Variants in L1CAM observed in about 807,000 individuals in gnomAD.
The protein encoded by L1CAM is L1 cell adhesion molecule.
A neutral mutation model predicts 93.0 loss-of-function variants in L1CAM; 8 were observed. The observed-to-expected ratio is 0.09, with a 90% CI of 0.05 to 0.16. L1CAM has a LOEUF of 0.16. L1CAM is among the 10% of genes least tolerant of loss of function. The probability of loss-of-function intolerance (pLI) is 1.00; values close to 1 mark genes in which losing one functional copy is unlikely to be tolerated. For missense variants in L1CAM, 777 were observed against 1,073.4 expected (o/e 0.72, Z 3.86); for synonymous variants, 453 against 453.0 (o/e 1.00, Z 0.00).
At chrX:153,873,045 T>G (rs1217020284) in intron 3 of L1CAM, 183 bp downstream of exon 3, 2 of 499,452 alleles carry the variant, frequency 4.0e-6, no homozygotes, top group East Asian at 3.5e-5. Context: ...GGTGACAGAG[T>G]ACCCAGGCTG....
chrX:153,871,007 AC>A (rs782546423), intron 6 of L1CAM, 47 bp from the exon 7 acceptor site: 1 of 1,207,759 alleles, frequency 8.3e-7, no homozygotes. Context: ...CCAGGAAGAC[AC>A]CCCCGCTAAC....
At chrX:153,869,965 C>A (rs201652121) in intron 9 of L1CAM, 31 bp from the exon 10 acceptor site, 6 of 1,209,580 alleles carry the variant, frequency 5.0e-6, no homozygotes. Flanking sequence ...GCCCTGAGCC[C>A]GCAGCCAGCA....
At position 153,865,714 on chromosome X, in the gene L1CAM, C is replaced by T. The variant is rs149737236; in HGVS notation, c.2537G>A (p.Arg846His). ...GCCTTCAACCCTTACATTGTATCCG[C>T]GGAGGTGGCCCTTGACCTGGGCCAG... is the stretch of plus-strand genomic sequence containing the variant. ...VDLAQVKGHL[R>H]GYNVTYWREG... The change falls in exon 20 of 29, where the codon CGC (arginine) becomes CAC (histidine). Residue 846 changes from arginine (R) to histidine (H), a missense_variant. By Grantham distance (29) the Arg-to-His change is conservative. Coordinates refer to ENST00000370060, the MANE Select transcript of L1CAM (RefSeq NM_001278116.2). The T allele has an allele frequency of 1.8e-5, 22 of 1,199,872 alleles. No individual in the cohort carries two copies. Among genetic ancestry groups the T allele is most frequent in the African/African-American group, 1.2e-4 (7 of 57,158 alleles).
intron 4 of L1CAM, 62 bp downstream of exon 4, chrX:153,872,530 G>A: frequency 2.0e-6 from 2 of 1,014,181 alleles, no homozygotes; most frequent in South Asian, 3.8e-5. Context: ...AGGCAGTCCA[G>A]GGAGGCACAA....
At chrX:153,880,593 C>T (rs1171203355) in intron 1 of L1CAM, 6 of 336,523 alleles carry the variant, frequency 1.8e-5, no homozygotes, top group South Asian at 1.6e-4. Flanking sequence ...GGTGTGTATA[C>T]GATGGTGTGG....
Position 153,867,338 on chromosome X carries a change from G to C in L1CAM, c.2137+18C>G. ...GCCCCTTCCAGGTGGCATGGGAGTG[G>C]GTGCCACCCTGACTCACCTGCCTCA... On this transcript the variant is annotated intron_variant, in intron 17 of 28. Transcript: ENST00000370060. The C allele has an allele frequency of 8.4e-7, 1 of 1,193,696 alleles. No homozygotes were observed. Among genetic ancestry groups the C allele is most frequent in the Non-Finnish European group, 1.1e-6 (1 of 880,581 alleles).
intron 3 of L1CAM, 60 bp from the exon 4 acceptor site, chrX:153,872,757 A>G (rs1557093640): frequency 2.1e-6 from 2 of 955,166 alleles, no homozygotes; most frequent in African/African-American, 1.9e-5. Context: ...TCATAGCCTC[A>G]GCACCTGTCC....
At chrX:153,884,081 T>A (rs782674618) in intron 1 of L1CAM, 2 of 564,756 alleles carry the variant, frequency 3.5e-6, no homozygotes, top group Non-Finnish European at 5.4e-6. Flanking sequence ...TCCTCACTCT[T>A]TGCCTCCCTT....
rs782260124 is a variant in L1CAM, at chrX:153,864,647, G to A, written c.3104C>T (p.Ser1035Phe). 1 of 1,209,665 alleles carries A rather than the reference G, an allele frequency of 8.3e-7. No individual in the cohort carries two copies. Among genetic ancestry groups the A allele is most frequent in the African/African-American group, 1.7e-5 (1 of 57,213 alleles). The change falls in exon 24 of 29, where the codon TCC (serine) becomes TTC (phenylalanine). Residue 1035 changes from serine to phenylalanine, a missense_variant. This residue lies in a region of L1CAM where 18 missense variants were observed against 53.0 expected (regional missense o/e 0.34). Transcript: ENST00000370060. ...GCACTGGCCCTCCTTGGGGACCCAG[G>A]AGACGACACTGTAGTTTTCACCCGC... Reference protein sequence around the residue: ...ATAGENYSVVSWVPKEGQCNF... With the variant: ...ATAGENYSVVFWVPKEGQCNF...
chrX:153,884,804 G>T (rs1040542971), intron 1 of L1CAM, among the ~76,000 whole-genome samples: 2 of 112,893 alleles, frequency 1.8e-5, no homozygotes, highest in Non-Finnish European at 1.9e-5. Flanking sequence ...CCCTGGGGAG[G>T]CCCCCGCCCC....
rs1248415360 is a variant in L1CAM at position 153,868,585 on chromosome X, T to C, written c.1522A>G (p.Ile508Val). Residue 508 changes from isoleucine (I) to valine (V), a missense_variant, in exon 13 of 29, where the codon ATC becomes GTC. Around this residue, in one of 5 missense-constraint regions of L1CAM, gnomAD observed 574 missense variants for 781.0 expected, o/e 0.73. Transcript: ENST00000370060. Reference sequence around the variant, plus strand: ...CCTTTAACCTTCAGGTTAGCCATGATGGTAACATTGTTTTGGTCATTGGCA... The same window carrying C: ...CCTTTAACCTTCAGGTTAGCCATGACGGTAACATTGTTTTGGTCATTGGCA... ...LAANDQNNVT[I>V]MANLKVKDAT... 2 of 1,212,099 alleles carry C rather than the reference T, an allele frequency of 1.7e-6. No individual in the cohort carries two copies. The highest frequency in any genetic ancestry group is 1.7e-5 in the African/African-American group (1 of 57,925).
intron 26 of L1CAM, 110 bp from the exon 27 acceptor site, chrX:153,863,659 C>T: frequency 1.1e-6 from 1 of 873,125 alleles, no homozygotes; most frequent in Non-Finnish European, 1.7e-6. Context: ...CGCCCAGAGG[C>T]AAGAGGCCTT....
At chrX:153,880,990 A>T (rs1489596320) in intron 1 of L1CAM, among the ~76,000 whole-genome samples, 7 of 112,370 alleles carry the variant, frequency 6.2e-5, no homozygotes, top group African/African-American at 2.3e-4. Flanking sequence ...GGGAAAAGAG[A>T]CGGAGGTTAA....
At chrX:153,872,533 A>T (rs1285005586) in intron 4 of L1CAM, 59 bp downstream of exon 4, 1 of 1,010,432 alleles carries the variant, frequency 9.9e-7, no homozygotes, top group Non-Finnish European at 1.4e-6. Flanking sequence ...CAGTCCAGGG[A>T]GGCACAAGGC....
At chrX:153,885,791 C>A in intron 1 of L1CAM, 1 of 801,349 alleles carries the variant, frequency 1.2e-6, no homozygotes, top group East Asian at 1.4e-4. Context: ...CGCCCCCCGC[C>A]CTGTTCTCCC....
intron 1 of L1CAM, among the ~76,000 whole-genome samples, chrX:153,877,482 C>T (rs2064822215): frequency 1.9e-5 from 2 of 106,129 alleles, no homozygotes; most frequent in Admixed American, 1.0e-4. Context: ...AAAAAGTTAG[C>T]CTGGCGTGGT....
intron 1 of L1CAM, chrX:153,884,255 T>C (rs782714868): frequency 9.9e-7 from 1 of 1,014,349 alleles, no homozygotes; most frequent in South Asian, 1.9e-5. Context: ...TGCCCATCGC[T>C]GGGATCCTGA....
intron 1 of L1CAM, among the ~76,000 whole-genome samples, chrX:153,878,080 G>A (rs2064825775): frequency 1.8e-5 from 2 of 112,549 alleles, no homozygotes; most frequent in Non-Finnish European, 1.9e-5. Context: ...TTAAAGTGCA[G>A]GCAAGGCAAG....
rs2064666325 is a variant in L1CAM, at chrX:153,862,014, T to G, written c.*649A>C. The stretch of plus-strand genomic sequence containing the variant: ...GGCCACTTGGATGTTGTGTGGTGGG[T>G]ACCGAAGGCAGCGTGTGTATGGAGC... On this transcript the variant is annotated 3_prime_UTR_variant, in exon 29 of 29. Coordinates refer to ENST00000370060, the MANE Select transcript of L1CAM (RefSeq NM_001278116.2). 9.1e-6 allele frequency: 1 copy of G among 110,360 alleles called. No individual in the cohort carries two copies. Among genetic ancestry groups the G allele is most frequent in the African/African-American group, 3.3e-5 (1 of 30,122 alleles). The allele number at this position is 110,360 out of a possible 1,213,427, so 9.1% of individuals were successfully genotyped here.
Sources: gnomAD v4.1 joint callset for allele counts (sites outside exome capture counted in the v4.1 genomes callset) on GRCh38, gnomAD v4.1.1 for gene constraint, gnomAD v4.1.1 regional missense constraint, MANE v1.5 for transcripts, NCBI Gene and HGNC (gene_info 2026-07-23, HGNC 2026-07-21) for gene names.